Variants in NLRC5 observed in about 807,000 individuals in gnomAD.
The protein encoded by NLRC5 is NLR family CARD domain containing 5.
In NLRC5, 114 loss-of-function variants were observed where a neutral mutation model predicts 206.9. That is an observed-to-expected ratio of 0.55 (90% CI 0.47 to 0.64). The LOEUF is 0.64. Among genes scored for constraint, NLRC5 ranks in the 30% least tolerant of loss-of-function variants. NLRC5 has a pLI of 0.00. For synonymous variants in NLRC5, 952 were observed against 962.8 expected (o/e 0.99, Z 0.21); for missense variants, 2,008 against 2,305.5 (o/e 0.87, Z 2.64).
chr16:57,081,654 C>A, intron 48 of NLRC5, 44 bp downstream of exon 48: 1 of 1,528,368 alleles, frequency 6.5e-7, no homozygotes, highest in Non-Finnish European at 9.1e-7. Flanking sequence ...TGGGAGGCTA[C>A]ACCAACCCCC....
chr16:57,039,689 CT>C, intron 15 of NLRC5, 91 bp from the exon 16 acceptor site: 1 of 1,176,632 alleles, frequency 8.5e-7, no homozygotes, highest in South Asian at 1.3e-5. Flanking sequence ...TGCACACCAG[CT>C]TGGGCAACAG....
At chr16:57,037,487 C>T (rs1379901941) in intron 15 of NLRC5, among the ~76,000 whole-genome samples, 1 of 152,104 alleles carries the variant, frequency 6.6e-6, no homozygotes, top group African/African-American at 2.4e-5. Context: ...GGAGAACTAC[C>T]CTTGGCTGAT....
At chr16:57,049,258 T>C (rs2064478676) in intron 23 of NLRC5, among the ~76,000 whole-genome samples, 2 of 152,356 alleles carry the variant, frequency 1.3e-5, no homozygotes, top group South Asian at 4.1e-4. Flanking sequence ...TCCAAACTGC[T>C]TCTAGGTGTT....
chr16:57,078,986 C>A (rs1248368726), intron 43 of NLRC5, 64 bp from the exon 44 acceptor site: 92 of 1,448,162 alleles, frequency 6.4e-5, no homozygotes, highest in Non-Finnish European at 8.4e-5. Flanking sequence ...TGAGACAAGG[C>A]TGAGGGTGGG....
chr16:57,033,745 C>G (rs1362019099), intron 12 of NLRC5, 76 bp downstream of exon 12: 6 of 1,395,872 alleles, frequency 4.3e-6, no homozygotes, highest in Non-Finnish European at 6.1e-6. Flanking sequence ...AGAGCAGGGG[C>G]AGGGAGGATA....
rs2069281756 is a variant in NLRC5 at position 57,082,533 on chromosome 16, C to T, written c.*5C>T. 2 of 1,595,014 alleles carry T rather than the reference C, an allele frequency of 1.3e-6. No homozygotes were observed. Among genetic ancestry groups the T allele is most frequent in the Non-Finnish European group, 1.7e-6 (2 of 1,164,020 alleles). On this transcript the variant is annotated 3_prime_UTR_variant, in exon 49 of 49. Transcript: ENST00000688547. ...CAGGCCCCTTGGGGTACTTGATGGC[C>T]CCCTCAAGACCTTTGGAATCCAGCC... is the stretch of plus-strand genomic sequence containing the variant.
intron 39 of NLRC5, 152 bp from the exon 40 acceptor site, chr16:57,076,667 A>T (rs749915509): frequency 1.5e-6 from 1 of 677,534 alleles, no homozygotes; most frequent in Admixed American, 2.2e-5. Flanking sequence ...CTTGCTCACC[A>T]CTCCCCACCT....
intron 28 of NLRC5, 58 bp downstream of exon 28, chr16:57,058,206 A>G (rs1465800475): frequency 2.1e-6 from 3 of 1,426,966 alleles, no homozygotes; most frequent in Non-Finnish European, 2.9e-6. Context: ...CCTAGGCCAA[A>G]AGCATGATGG....
chr16:57,011,695 T>C (rs2059519682), intron 1 of NLRC5, among the ~76,000 whole-genome samples: 1 of 147,784 alleles, frequency 6.8e-6, no homozygotes, highest in African/African-American at 2.5e-5. Flanking sequence ...CACTCCAGCC[T>C]GGGTGACAGA....
chr16:57,069,791 C>T, intron 36 of NLRC5, 45 bp from the exon 37 acceptor site: 1 of 1,527,782 alleles, frequency 6.5e-7, no homozygotes, highest in South Asian at 1.2e-5. Context: ...CTCCCAAGAC[C>T]CAGGGCGGCT....
chr16:57,079,001 T>C (rs1567651162), intron 43 of NLRC5, 49 bp from the exon 44 acceptor site: 1 of 1,550,956 alleles, frequency 6.4e-7, no homozygotes, highest in Admixed American at 1.7e-5. Context: ...GGTGGGGCTC[T>C]GGAAACGCCA....
chr16:57,048,020 G>T (rs2064240894), intron 23 of NLRC5: 1 of 200,680 alleles, frequency 5.0e-6, no homozygotes, highest in African/African-American at 2.3e-5. Flanking sequence ...TCTCCTTGGG[G>T]TTACCACCTC....
chr16:57,000,028 T>C (rs2058068561), intron 1 of NLRC5, among the ~76,000 whole-genome samples: 1 of 152,190 alleles, frequency 6.6e-6, no homozygotes, highest in African/African-American at 2.4e-5. Context: ...ATTGGGATTT[T>C]TTAAAGACCC....
chr16:56,999,924 C>T (rs908785133), intron 1 of NLRC5, among the ~76,000 whole-genome samples: 2 of 152,246 alleles, frequency 1.3e-5, no homozygotes, highest in South Asian at 2.1e-4. Flanking sequence ...TCCCAGACAT[C>T]GGCACATGGG....
chr16:57,023,749 G>A lies in NLRC5; in HGVS notation c.356-36G>A, dbSNP rs753074340. On this transcript the variant is annotated intron_variant, in intron 4 of 48. Transcript: ENST00000688547. ...GGTAACCCCTCAGCCCAGATCCCCA[G>A]ACCCCACTCCTCCACCCCTTCCTTT... The A allele has an allele frequency of 5.0e-6, 8 of 1,586,358 alleles. No individual in the cohort carries two copies. The South Asian group carries it at 9.1e-5, about 18-fold the overall frequency.
In NLRC5 at chr16:57,026,961, C is replaced by G. The variant is rs199502190; in HGVS notation, c.2018C>G (p.Pro673Arg). The change falls in exon 6 of 49, where the codon CCC becomes CGC. Residue 673 changes from proline (P) to arginine (R), a missense_variant. Pro to Arg is a moderately radical substitution (Grantham distance 103). Coordinates refer to ENST00000688547, the MANE Select transcript of NLRC5 (RefSeq NM_001384950.1). ...ATCCACCTGGATTTTGATGGCTGTCCCCTGGAGCCCCACTGCCCTGAGGCT... is the reference window on the plus strand; with the variant it reads ...ATCCACCTGGATTTTGATGGCTGTCGCCTGGAGCCCCACTGCCCTGAGGCT... Reference protein sequence around the residue: ...APIHLDFDGCPLEPHCPEALV... With the variant: ...APIHLDFDGCRLEPHCPEALV... The G allele has an allele frequency of 3.7e-6, 6 of 1,614,116 alleles. No individual in the cohort carries two copies. The African/African-American group carries it at 8.0e-5, about 22-fold the overall frequency.
chr16:57,048,704 T>C (rs2064359930), intron 23 of NLRC5, among the ~76,000 whole-genome samples: 1 of 152,120 alleles, frequency 6.6e-6, no homozygotes, highest in African/African-American at 2.4e-5. Context: ...TGGCTAATTT[T>C]TGTATTTTTA....
chr16:57,020,495 C>T (rs1482709245), intron 2 of NLRC5, among the ~76,000 whole-genome samples: 2 of 104,750 alleles, frequency 1.9e-5, no homozygotes, highest in African/African-American at 7.4e-5. Flanking sequence ...TCACCTCCCC[C>T]TCAGCTCTCC....
intron 1 of NLRC5, among the ~76,000 whole-genome samples, chr16:57,002,667 A>T: frequency 7.9e-6 from 1 of 125,976 alleles, no homozygotes. Flanking sequence ...TTTTTGAGAC[A>T]GAGTCTCACT....
Sources: gnomAD v4.1 joint callset for allele counts (sites outside exome capture counted in the v4.1 genomes callset) on GRCh38, gnomAD v4.1.1 for gene constraint, MANE v1.5 for transcripts, NCBI Gene and HGNC (gene_info 2026-07-23, HGNC 2026-07-21) for gene names.